The following WDFY3 variants were observed in gnomAD, a reference collection of about 807,000 sequenced individuals.
WDFY3 encodes WD repeat and FYVE domain-containing protein 3.
Under a neutral mutation model 409.6 loss-of-function variants are expected in WDFY3, and 66 were observed. The ratio of observed to expected loss-of-function variants is 0.16; its 90% CI spans 0.13 to 0.20. The LOEUF is 0.20. Among genes scored for constraint, WDFY3 ranks in the 10% least tolerant of loss-of-function variants. The pLI is 1.00. For synonymous variants in WDFY3, 1,521 were observed against 1,537.1 expected, an observed-to-expected ratio of 0.99 and a Z score of 0.25; for missense variants, 3,031 against 4,298.1, an observed-to-expected ratio of 0.71 and a Z score of 8.24.
intron 58 of WDFY3, among the ~76,000 whole-genome samples, chr4:84,695,509 T>TAG (rs869147060): frequency 0.12 from 13,191 of 107,240 alleles, 740 homozygotes; most frequent in East Asian, 0.2. Flanking sequence ...CAGAGAGAGA[T>TAG]AGAGAGAGAG....
At chr4:84,812,353 GCA>G (rs139367271) in intron 13 of WDFY3, among the ~76,000 whole-genome samples, 3 of 150,958 alleles carry the variant, frequency 2.0e-5, no homozygotes, top group Non-Finnish European at 4.4e-5. Flanking sequence ...GCGCATGCAC[GCA>G]CACACACACA....
intron 2 of WDFY3, among the ~76,000 whole-genome samples, chr4:84,930,108 A>C (rs1415939777): frequency 6.6e-6 from 1 of 152,162 alleles, no homozygotes; most frequent in South Asian, 2.1e-4. Context: ...AATTCCTGTC[A>C]TTTAAGCCAC....
intron 2 of WDFY3, among the ~76,000 whole-genome samples, chr4:84,908,724 G>C (rs1447580640): frequency 1.3e-5 from 2 of 152,054 alleles, no homozygotes; most frequent in Non-Finnish European, 2.9e-5. Flanking sequence ...AGGAGATACT[G>C]TATTACCTCT....
At position 84,671,440 on chromosome 4, in the gene WDFY3, A is replaced by G. The variant is rs1725429913; in HGVS notation, c.*1428T>C. The G allele has an allele frequency of 2.0e-5, 3 of 151,748 alleles. No homozygotes were observed. In the Admixed American group the frequency reaches 2.0e-4, roughly 10 times the overall value. 9.4% of individuals were successfully genotyped at this position (151,748 alleles called of 1,614,324 possible). A position where few individuals can be genotyped will look rare whatever the true frequency, so the allele number is the denominator to read the frequency against. On this transcript the variant is annotated 3_prime_UTR_variant, in exon 68 of 68. Coordinates refer to ENST00000295888, the MANE Select transcript of WDFY3 (RefSeq NM_014991.6). ...TAGAATTGTTCATAATGTTATCACT[A>G]AGTTTCTGAAAATGTTAAAATCTAG...
chr4:84,917,016 T>C (rs1409846192), intron 2 of WDFY3, among the ~76,000 whole-genome samples: 1 of 152,162 alleles, frequency 6.6e-6, no homozygotes, highest in Non-Finnish European at 1.5e-5. Flanking sequence ...GAAGTATATA[T>C]CTATGAACAG....
intron 51 of WDFY3, among the ~76,000 whole-genome samples, chr4:84,712,373 TAAAAAAA>T (rs998951453): frequency 1.3e-5 from 1 of 75,104 alleles, no homozygotes; most frequent in Non-Finnish European, 2.8e-5. Context: ...AGAAAAAAAT[TAAAAAAA>T]AAAAAAAAAA....
chr4:84,736,046 T>C (rs1737383140), intron 42 of WDFY3, 124 bp downstream of exon 42: 1 of 1,035,650 alleles, frequency 9.7e-7, no homozygotes, highest in Non-Finnish European at 1.3e-6. Context: ...TAGTCTGGAT[T>C]ACTTCTATCT....
chr4:84,753,979 T>C (rs547771757), intron 34 of WDFY3, 103 bp from the exon 35 acceptor site: 59 of 1,276,618 alleles, frequency 4.6e-5, no homozygotes, highest in Middle Eastern at 5.4e-4. Context: ...ACTGGATATA[T>C]TGATGGTCCA....
chr4:84,931,874 C>T (rs1770808037), intron 2 of WDFY3, among the ~76,000 whole-genome samples: 2 of 152,100 alleles, frequency 1.3e-5, no homozygotes, highest in African/African-American at 4.8e-5. Flanking sequence ...AAACTAGTCA[C>T]TCAAAGAAAC....
intron 8 of WDFY3, among the ~76,000 whole-genome samples, chr4:84,829,851 T>TAAATA (rs1560868593): frequency 2.2e-4 from 13 of 58,166 alleles, no homozygotes; most frequent in Admixed American, 1.3e-3. Flanking sequence ...ATAAATAAAT[T>TAAATA]AGAGAGACTA....
At chr4:84,778,412 A>G (rs1261232939) in intron 27 of WDFY3, 91 bp downstream of exon 27, 2 of 1,228,188 alleles carry the variant, frequency 1.6e-6, no homozygotes, top group Non-Finnish European at 2.2e-6. Flanking sequence ...TAGGGCTTTA[A>G]ACACATTTTA....
chr4:84,829,537 C>CA (rs554627289), intron 8 of WDFY3, among the ~76,000 whole-genome samples: 10 of 151,386 alleles, frequency 6.6e-5, no homozygotes, highest in Non-Finnish European at 8.8e-5. Flanking sequence ...ATGAAAAAAG[C>CA]AAAAAAACTA....
At chr4:84,761,904 C>T (rs1742677641) in intron 32 of WDFY3, among the ~76,000 whole-genome samples, 1 of 152,132 alleles carries the variant, frequency 6.6e-6, no homozygotes, top group African/African-American at 2.4e-5. Context: ...AAATCAAAAC[C>T]ACAATGAGAT....
chr4:84,729,765 T>C (rs2149140482), intron 44 of WDFY3, among the ~76,000 whole-genome samples: 1 of 152,148 alleles, frequency 6.6e-6, no homozygotes, highest in South Asian at 2.1e-4. Context: ...ATCACCACTG[T>C]ATTCTTCAGC....
rs557533164 is a variant in WDFY3, at chr4:84,875,097, G to A, written c.-31-14475C>T. 7.2e-5 allele frequency among the ~76,000 whole-genome samples: 11 copies of A among 151,990 alleles called. No individual in the cohort carries two copies. The South Asian group carries it at 8.3e-4, about 11-fold the overall frequency. ...AGCCTGGCCAACATGGTGAAACCCCGTCTCTACTAAAAATACAAAAATTAG... is the reference window on the plus strand; with the variant it reads ...AGCCTGGCCAACATGGTGAAACCCCATCTCTACTAAAAATACAAAAATTAG... On this transcript the variant is annotated intron_variant, in intron 3 of 67. Coordinates refer to ENST00000295888, the MANE Select transcript of WDFY3 (RefSeq NM_014991.6).
chr4:84,775,955 TA>T (rs762798640), intron 27 of WDFY3, among the ~76,000 whole-genome samples: 1 of 151,168 alleles, frequency 6.6e-6, no homozygotes, highest in South Asian at 2.1e-4. Flanking sequence ...ACAGAAATGT[TA>T]AAAAAAAATC....
At chr4:84,778,444 A>C in intron 27 of WDFY3, 59 bp downstream of exon 27, 1 of 1,405,968 alleles carries the variant, frequency 7.1e-7, no homozygotes, top group Non-Finnish European at 9.4e-7. Flanking sequence ...GTTTATAATC[A>C]TATGGAGTAA....
intron 3 of WDFY3, among the ~76,000 whole-genome samples, chr4:84,884,559 T>G (rs1763936420): frequency 6.6e-6 from 1 of 152,172 alleles, no homozygotes; most frequent in Non-Finnish European, 1.5e-5. Flanking sequence ...TAACAATACA[T>G]ATATCTCAAG....
In WDFY3 at chr4:84,885,613, C is replaced by T. The variant is rs183134484; in HGVS notation, c.-32+11298G>A. On this transcript the variant is annotated intron_variant, in intron 3 of 67. Coordinates refer to ENST00000295888, the MANE Select transcript of WDFY3 (RefSeq NM_014991.6). ...TACAGCAATCCCACTGGAAAAAAGG[C>T]GAAAAATATGAACAAGGAATCTGGA... Among the ~76,000 whole-genome samples, 196 of 151,822 alleles carry T rather than the reference C, an allele frequency of 1.3e-3. 2 individuals are homozygous for T. Among genetic ancestry groups the T allele is most frequent in the African/African-American group, 4.3e-3 (179 of 41,414 alleles).
Sources: gnomAD v4.1 joint callset for allele counts (sites outside exome capture counted in the v4.1 genomes callset) on GRCh38, gnomAD v4.1.1 for gene constraint, MANE v1.5 for transcripts, NCBI Gene and HGNC (gene_info 2026-07-23, HGNC 2026-07-21) for gene names.